CPEB1: variants seen among roughly 807,000 people sequenced by gnomAD.
CPEB1 encodes the protein cytoplasmic polyadenylation element binding protein 1, also known as cytoplasmic polyadenylation element-binding protein 1.
CPEB1 carries 7 observed loss-of-function variants against 65.8 expected under a neutral mutation model. The ratio of observed to expected loss-of-function variants is 0.11; its 90% CI spans 0.06 to 0.20. CPEB1 has a LOEUF of 0.20. Among genes scored for constraint, CPEB1 ranks in the 10% least tolerant of loss-of-function variants. The probability of loss-of-function intolerance (pLI) is 1.00; values close to 1 mark genes in which losing one functional copy is unlikely to be tolerated. For missense variants in CPEB1, 551 were observed against 712.2 expected (o/e 0.77, Z 2.58); for synonymous variants, 262 against 260.0 (o/e 1.01, Z -0.08).
At chr15:82,572,876 T>C (rs1410910404) in intron 3 of CPEB1, 2 of 669,828 alleles carry the variant, frequency 3.0e-6, no homozygotes, top group Non-Finnish European at 4.7e-6. Context: ...ATTCAGCTTC[T>C]GGAGCTTCCG....
In CPEB1 at chr15:82,628,575, T is replaced by G; in HGVS notation, c.-97-19A>C. ...ACTGAAACTAACGCAAATGGTGGAATTAGGATTGGTACCACATAGAAACAT... is the reference window on the plus strand; with the variant it reads ...ACTGAAACTAACGCAAATGGTGGAAGTAGGATTGGTACCACATAGAAACAT... On this transcript the variant is annotated intron_variant, in intron 1 of 12. Transcript: ENST00000684509. 1 of 628,668 alleles carries G rather than the reference T, an allele frequency of 1.6e-6. No individual in the cohort carries two copies. The highest frequency in any genetic ancestry group is 2.8e-6 in the Non-Finnish European group (1 of 354,732). The allele number at this position is 628,668 out of a possible 1,614,324, so 38.9% of individuals were successfully genotyped here. A position where few individuals can be genotyped will look rare whatever the true frequency, so the allele number is the denominator to read the frequency against.
chr15:82,629,231 T>A, intron 1 of CPEB1: 1 of 982,986 alleles, frequency 1.0e-6, no homozygotes, highest in South Asian at 4.7e-5. Context: ...ACCAACTTTT[T>A]GATGACATAT....
intron 3 of CPEB1, among the ~76,000 whole-genome samples, chr15:82,623,534 G>A (rs988657649): frequency 6.6e-6 from 1 of 152,144 alleles, no homozygotes; most frequent in Non-Finnish European, 1.5e-5. Flanking sequence ...AAATTAGCCA[G>A]GCGTGGTGGG....
At chr15:82,624,032 G>A (rs893734390) in intron 3 of CPEB1, among the ~76,000 whole-genome samples, 2 of 152,110 alleles carry the variant, frequency 1.3e-5, no homozygotes, top group African/African-American at 4.8e-5. Flanking sequence ...AATTACTTTT[G>A]ATCAGAAGCT....
At chr15:82,569,963 C>G (rs1347574202) in intron 4 of CPEB1, among the ~76,000 whole-genome samples, 1 of 152,108 alleles carries the variant, frequency 6.6e-6, no homozygotes, top group African/African-American at 2.4e-5. Flanking sequence ...GCATAGAATA[C>G]CAAACAGTGA....
chr15:82,631,592 ACTGT>A (rs762346744), intron 1 of CPEB1, among the ~76,000 whole-genome samples: 9 of 152,106 alleles, frequency 5.9e-5, no homozygotes, highest in African/African-American at 1.4e-4. Flanking sequence ...ACCAACGAAT[ACTGT>A]CTATCAGTCG....
At chr15:82,639,262 A>G (rs911643235) in intron 1 of CPEB1, among the ~76,000 whole-genome samples, 3 of 152,328 alleles carry the variant, frequency 2.0e-5, no homozygotes, top group East Asian at 1.9e-4. Context: ...GACAATAGTT[A>G]TAAGTGTGTA....
intron 10 of CPEB1, among the ~76,000 whole-genome samples, chr15:82,549,149 T>TGTCTGTTCCA (rs1341359801): frequency 2.0e-5 from 3 of 152,268 alleles, no homozygotes; most frequent in African/African-American, 7.2e-5. Context: ...TAGTACCTGT[T>TGTCTGTTCCA]GTCTGTTCCA....
chr15:82,640,062 A>G (rs2046983222), intron 1 of CPEB1, among the ~76,000 whole-genome samples: 3 of 152,134 alleles, frequency 2.0e-5, no homozygotes, highest in South Asian at 2.1e-4. Context: ...AAGCTTAGCT[A>G]TGAGAACCAC....
At chr15:82,568,658 T>A (rs1178431105) in intron 4 of CPEB1, among the ~76,000 whole-genome samples, 1 of 152,172 alleles carries the variant, frequency 6.6e-6, no homozygotes, top group Non-Finnish European at 1.5e-5. Flanking sequence ...AGCCTAAAGC[T>A]AAGAATCCAA....
At chr15:82,632,093 C>T (rs1390427231) in intron 1 of CPEB1, among the ~76,000 whole-genome samples, 3 of 149,324 alleles carry the variant, frequency 2.0e-5, no homozygotes, top group Non-Finnish European at 4.4e-5. Flanking sequence ...AGGATTCTCT[C>T]GCCTCAGCCT....
At chr15:82,616,354 G>A (rs1408040871) in intron 3 of CPEB1, among the ~76,000 whole-genome samples, 1 of 152,024 alleles carries the variant, frequency 6.6e-6, no homozygotes, top group Admixed American at 6.6e-5. Flanking sequence ...ACACGGATGG[G>A]AAGGAAATAT....
chr15:82,647,435 A>C, upstream of CPEB1: 1 of 159,962 alleles, frequency 6.3e-6, no homozygotes, highest in Non-Finnish European at 1.4e-5. Context: ...TGCTAAAGAG[A>C]CCCGCAGGGG....
chr15:82,590,987 G>T (rs2042208949), intron 3 of CPEB1, among the ~76,000 whole-genome samples: 1 of 152,182 alleles, frequency 6.6e-6, no homozygotes, highest in South Asian at 2.1e-4. Context: ...ATGTGTGCAT[G>T]TGTTTTTATG....
chr15:82,601,156 C>A (rs2043085262), intron 3 of CPEB1, among the ~76,000 whole-genome samples: 1 of 150,896 alleles, frequency 6.6e-6, no homozygotes, highest in African/African-American at 2.4e-5. Context: ...TCCGCCCCCA[C>A]CTCGACCTCC....
rs531040238 is a variant in CPEB1 at position 82,627,385 on chromosome 15, A to G, written c.97-18T>C. On this transcript the variant is annotated intron_variant, in intron 2 of 12. Coordinates refer to ENST00000684509, the MANE Select transcript of CPEB1 (RefSeq NM_001365242.1). ...TCTTCTTCCTAGACACAGAAAAAAA[A>G]AGATATTTAGGTTTTCTACACTCCT... 1.3e-6 allele frequency: 2 copies of G among 1,593,788 alleles called. No homozygotes were observed. The highest frequency in any genetic ancestry group is 2.3e-5 in the South Asian group (2 of 87,496).
intron 3 of CPEB1, among the ~76,000 whole-genome samples, chr15:82,575,777 TACC>T (rs1475132343): frequency 2.0e-5 from 3 of 152,106 alleles, no homozygotes; most frequent in Non-Finnish European, 4.4e-5. Context: ...TAAAAGACTG[TACC>T]ACATCTTGCC....
chr15:82,547,523 T>C (rs2035471116), intron 10 of CPEB1, among the ~76,000 whole-genome samples: 1 of 151,882 alleles, frequency 6.6e-6, no homozygotes, highest in African/African-American at 2.4e-5. Context: ...CTTGATCTCC[T>C]GACCTTGTGA....
chr15:82,577,434 A>G (rs1290094152), intron 3 of CPEB1, among the ~76,000 whole-genome samples: 1 of 152,154 alleles, frequency 6.6e-6, no homozygotes, highest in Non-Finnish European at 1.5e-5. Context: ...AACTATTTTA[A>G]GTTTTCTCTA....
Sources: allele counts gnomAD v4.1 joint callset (sites outside exome capture counted in the v4.1 genomes callset), GRCh38; gene constraint gnomAD v4.1.1; transcripts MANE v1.5; gene names NCBI Gene and HGNC (gene_info 2026-07-23, HGNC 2026-07-21).